STK39: variants seen among roughly 807,000 people sequenced by gnomAD.
STK39 encodes STE20/SPS1-related proline-alanine-rich protein kinase.
Under a neutral mutation model 77.8 loss-of-function variants are expected in STK39, and 20 were observed. That is an observed-to-expected ratio of 0.26 (90% CI 0.18 to 0.37). The LOEUF (loss-of-function observed/expected upper bound fraction) is 0.37. STK39 is among the 10% of genes least tolerant of loss of function. The pLI, the probability that STK39 is intolerant of heterozygous loss-of-function variation, is 1.00. For missense variants in STK39, 479 were observed against 656.5 expected, an observed-to-expected ratio of 0.73 and a Z score of 2.95; for synonymous variants, 246 against 234.1, an observed-to-expected ratio of 1.05 and a Z score of -0.47.
At chr2:168,021,243 C>T (rs1207572769) in intron 14 of STK39, among the ~76,000 whole-genome samples, 2 of 152,088 alleles carry the variant, frequency 1.3e-5, no homozygotes, top group African/African-American at 2.4e-5. Flanking sequence ...ATTAATAACA[C>T]AAAAAGTAAT....
Position 168,200,684 on chromosome 2 carries a change from A to AAAAATAAAATAAAATAAAAT in STK39, c.209-18614_209-18595dup, listed in dbSNP as rs57515359. On this transcript the variant is annotated intron_variant, in intron 1 of 17. Coordinates refer to ENST00000355999, the MANE Select transcript of STK39 (RefSeq NM_013233.3). Reference sequence around the variant, plus strand: ...AGAGCAAGACTCTGTCTCAAAACATAAAAATAAAATAAAATAAAATAAAAT... The same window carrying AAAAATAAAATAAAATAAAAT: ...AGAGCAAGACTCTGTCTCAAAACATAAAAATAAAATAAAATAAAATAAAATAAAATAAAATAAAATAAAAT... Among the ~76,000 whole-genome samples the AAAAATAAAATAAAATAAAAT allele has an allele frequency of 4.9e-3, 733 of 150,172 alleles. 8 individuals are homozygous for AAAAATAAAATAAAATAAAAT. The highest frequency in any genetic ancestry group is 0.017 in the African/African-American group (674 of 40,662).
chr2:168,136,985 T>C (rs779870853), intron 8 of STK39, among the ~76,000 whole-genome samples: 18 of 152,028 alleles, frequency 1.2e-4, no homozygotes, highest in Non-Finnish European at 2.5e-4. Flanking sequence ...AGAAAAGTGA[T>C]TGATATGGAA....
chr2:168,058,175 A>G (rs1185742665), intron 14 of STK39, among the ~76,000 whole-genome samples: 2 of 152,196 alleles, frequency 1.3e-5, no homozygotes, highest in Non-Finnish European at 2.9e-5. Context: ...ACCCAGTTGG[A>G]CCAGGCTTTT....
intron 2 of STK39, among the ~76,000 whole-genome samples, chr2:168,168,221 C>G (rs541567134): frequency 2.0e-5 from 3 of 152,170 alleles, no homozygotes; most frequent in Non-Finnish European, 2.9e-5. Context: ...TATATAAAGA[C>G]ATAAAACAAC....
chr2:168,203,002 A>G (rs1328062990), intron 1 of STK39, among the ~76,000 whole-genome samples: 2 of 152,184 alleles, frequency 1.3e-5, no homozygotes, highest in African/African-American at 4.8e-5. Flanking sequence ...CTATCAGTAG[A>G]ACAGCGTTTC....
chr2:168,106,386 T>A (rs1375305), intron 10 of STK39, among the ~76,000 whole-genome samples: 109,765 of 152,130 alleles, frequency 0.72, 40,158 homozygotes, highest in Non-Finnish European at 0.79. Context: ...TTAAACTTAA[T>A]AATTATTGTT....
intron 16 of STK39, 102 bp from the exon 17 acceptor site, chr2:167,964,828 T>C: frequency 1.0e-6 from 1 of 962,564 alleles, no homozygotes; most frequent in Admixed American, 2.3e-5. Context: ...TGCAATAAAC[T>C]GCAAAATCAT....
At chr2:167,977,701 T>A (rs1166965575) in intron 16 of STK39, among the ~76,000 whole-genome samples, 3 of 152,172 alleles carry the variant, frequency 2.0e-5, no homozygotes, top group African/African-American at 7.2e-5. Flanking sequence ...CTTGGAACCC[T>A]CTGAATTGTG....
intron 1 of STK39, among the ~76,000 whole-genome samples, chr2:168,209,814 C>A (rs1285703323): frequency 1.3e-5 from 2 of 152,116 alleles, no homozygotes; most frequent in Non-Finnish European, 2.9e-5. Context: ...GCCTGGCCAA[C>A]ATGGTGAAAC....
chr2:168,103,693 A>G (rs1303851976), intron 10 of STK39, among the ~76,000 whole-genome samples: 1 of 152,188 alleles, frequency 6.6e-6, no homozygotes, highest in East Asian at 1.9e-4. Flanking sequence ...AGATTTCTCA[A>G]CACTTTTTGA....
At chr2:168,011,593 G>A (rs1684272781) in intron 16 of STK39, among the ~76,000 whole-genome samples, 1 of 152,236 alleles carries the variant, frequency 6.6e-6, no homozygotes, top group South Asian at 2.1e-4. Flanking sequence ...GTGGAACCAG[G>A]CTACACATTT....
At chr2:168,242,796 T>C (rs1690802740) in intron 1 of STK39, among the ~76,000 whole-genome samples, 1 of 149,906 alleles carries the variant, frequency 6.7e-6, no homozygotes, top group Admixed American at 6.7e-5. Flanking sequence ...AGGAGGCTGA[T>C]GTGGGAAGAT....
chr2:168,079,547 T>C (rs1686172461), intron 10 of STK39, among the ~76,000 whole-genome samples: 1 of 152,184 alleles, frequency 6.6e-6, no homozygotes, highest in Non-Finnish European at 1.5e-5. Context: ...CACTCCTAGA[T>C]GGGGCATCAG....
intron 1 of STK39, among the ~76,000 whole-genome samples, chr2:168,207,049 T>C (rs140911769): frequency 4.9e-4 from 75 of 152,298 alleles, no homozygotes; most frequent in African/African-American, 1.6e-3. Flanking sequence ...GGCATAGCTT[T>C]ACACATGCAG....
chr2:168,241,381 T>C (rs370282661), intron 1 of STK39, among the ~76,000 whole-genome samples: 1 of 152,264 alleles, frequency 6.6e-6, no homozygotes, highest in African/African-American at 2.4e-5. Context: ...TCCTAGCAGG[T>C]TGTTCTCGGA....
Position 168,138,086 on chromosome 2 carries a change from A to G in STK39, c.974+2T>C. The G allele has an allele frequency of 6.2e-7, 1 of 1,613,222 alleles. No individual in the cohort carries two copies. Among genetic ancestry groups the G allele is most frequent in the Admixed American group, 1.7e-5 (1 of 59,962 alleles). On this transcript the variant is annotated splice_donor_variant, in intron 8 of 17. Transcript: ENST00000355999. LOFTEE classifies it high-confidence loss of function. The stretch of plus-strand genomic sequence containing the variant: ...TTAACTCATCCACTAAGTTTCACTT[A>G]CCTTTTGGAAGGATCTTTCTGAAGA...
intron 14 of STK39, among the ~76,000 whole-genome samples, chr2:168,044,377 C>T (rs114748390): frequency 1.2e-4 from 18 of 152,232 alleles, no homozygotes; most frequent in African/African-American, 3.9e-4. Context: ...AAGGCCACTA[C>T]GATAAGTTTG....
Position 168,167,328 on chromosome 2 carries a change from A to T in STK39, c.401T>A (p.Leu134His). ...YYTSFVVKDE[L>H]WLVMKLLSGG... ...ACTTAGTAATTTCATGACCAGCCAAAGTTCATCTTTGACCACAAAAGAGGT... is the reference window on the plus strand; with the variant it reads ...ACTTAGTAATTTCATGACCAGCCAATGTTCATCTTTGACCACAAAAGAGGT... Residue 134 changes from leucine to histidine, a missense_variant, in exon 3 of 18, where the codon CTT (leucine) becomes CAT (histidine). Coordinates refer to ENST00000355999, the MANE Select transcript of STK39 (RefSeq NM_013233.3). The T allele has an allele frequency of 6.2e-7, 1 of 1,613,740 alleles. No homozygotes were observed. Among genetic ancestry groups the T allele is most frequent in the Non-Finnish European group, 8.5e-7 (1 of 1,179,756 alleles).
At chr2:168,214,799 A>C (rs1008350116) in intron 1 of STK39, among the ~76,000 whole-genome samples, 1 of 152,186 alleles carries the variant, frequency 6.6e-6, no homozygotes, top group Admixed American at 6.5e-5. Context: ...AATTCTGAAA[A>C]AGGTCCTGCC....
Sources: gnomAD v4.1 joint callset for allele counts (sites outside exome capture counted in the v4.1 genomes callset) on GRCh38, gnomAD v4.1.1 for gene constraint, MANE v1.5 for transcripts, NCBI Gene and HGNC (gene_info 2026-07-23, HGNC 2026-07-21) for gene names.